Variants in CD163L1 observed in about 807,000 individuals in gnomAD.
CD163L1 encodes the protein CD163 molecule like 1, also known as scavenger receptor cysteine-rich type 1 protein M160.
Under a neutral mutation model 165.4 loss-of-function variants are expected in CD163L1, and 124 were observed. The observed-to-expected ratio is 0.75, with a 90% CI of 0.65 to 0.87. The LOEUF is 0.87. CD163L1 is among the 40% of genes least tolerant of loss of function. The pLI, the probability that CD163L1 is intolerant of heterozygous loss-of-function variation, is 0.00. For synonymous variants in CD163L1, 585 were observed against 662.2 expected (o/e 0.88, Z 1.79); for missense variants, 1,525 against 1,799.9 (o/e 0.85, Z 2.76).
In CD163L1 at chr12:7,369,764, T is replaced by TA. The variant is rs1947108147; in HGVS notation, c.3731-100dup. The TA allele has an allele frequency of 9.4e-7, 1 of 1,059,056 alleles. No homozygotes were observed. Among genetic ancestry groups the TA allele is most frequent in the Non-Finnish European group, 1.4e-6 (1 of 717,004 alleles). 65.6% of individuals were successfully genotyped at this position (1,059,056 alleles called of 1,614,324 possible). A position where few individuals can be genotyped will look rare whatever the true frequency, so the allele number is the denominator to read the frequency against. ...GAAAGTAGCAAATGTGCTTGATGAA[T>TA]ATGGGTGTGGTAAGGAAGGCAGAAT... is the stretch of plus-strand genomic sequence containing the variant. On this transcript the variant is annotated intron_variant, in intron 14 of 19. Transcript: ENST00000313599. This position sits in a 1 kb window ranked among gnomAD's most constrained non-coding sequence, Gnocchi z 4.9.
In CD163L1 at chr12:7,400,475, A is replaced by C. The variant is rs1454344450; in HGVS notation, c.1409-1891T>G. On this transcript the variant is annotated intron_variant, in intron 6 of 19. Transcript: ENST00000313599. This position sits in a 1 kb window ranked among gnomAD's most constrained non-coding sequence, Gnocchi z 4.1. Reference sequence around the variant, plus strand: ...TATAGGATAACTGGATAGTATAATGATATAATTTCTGCACAAATCAAACCA... The same window carrying C: ...TATAGGATAACTGGATAGTATAATGCTATAATTTCTGCACAAATCAAACCA... 6.6e-6 allele frequency among the ~76,000 whole-genome samples: 1 copy of C among 152,206 alleles called. No individual in the cohort carries two copies. The highest frequency in any genetic ancestry group is 1.5e-5 in the Non-Finnish European group (1 of 68,032).
Position 7,367,206 on chromosome 12 carries a change from ATGGAGTGCGGCCCC to A in CD163L1, c.4279+16_4279+29del. The A allele has an allele frequency of 7.2e-7, 1 of 1,398,114 alleles. No homozygotes were observed. Among genetic ancestry groups the A allele is most frequent in the Non-Finnish European group, 1.0e-6 (1 of 995,716 alleles). The allele number at this position is 1,398,114 out of a possible 1,614,324, so 86.6% of individuals were successfully genotyped here. On this transcript the variant is annotated intron_variant, in intron 18 of 19. Transcript: ENST00000313599. ...ATTTCCTCATATTCCCACCCTCTCC[ATGGAGTGCGGCCCC>A]TGGAGTTGCACAGACCTGAGGTTCT...
In CD163L1 at chr12:7,357,440, C is replaced by T. The variant is rs1565768033; in HGVS notation, c.4326G>A (p.Leu1442=). ...CTTCAGAGGCAGGAAGAACTCCCAA[C>T]AGCGATGTGTCGCTAGCATCTTCAC... ...HGCEDASDTS[L]LGVLPASEAT... is the part of the protein sequence containing the mutation. The change falls in exon 19 of 20, where the codon CTG becomes CTA. Residue 1442 remains leucine (L), a synonymous_variant. Transcript: ENST00000313599. 6.2e-7 allele frequency: 1 copy of T among 1,612,724 alleles called. No individual in the cohort carries two copies. The highest frequency in any genetic ancestry group is 1.7e-5 in the Admixed American group (1 of 59,852).
At chr12:7,408,257 G>C (rs1948069195) in intron 4 of CD163L1, among the ~76,000 whole-genome samples, 1 of 151,798 alleles carries the variant, frequency 6.6e-6, no homozygotes, top group Non-Finnish European at 1.5e-5. Flanking sequence ...AAAATTACTG[G>C]TTTTGTATGC....
At chr12:7,392,594 T>C (rs1025323277) in intron 8 of CD163L1, among the ~76,000 whole-genome samples, 1 of 151,746 alleles carries the variant, frequency 6.6e-6, no homozygotes, top group Admixed American at 6.6e-5. Context: ...CTGAAGGAGA[T>C]AGAGACACAA....
rs1947059180 is a variant in CD163L1 at position 7,368,087 on chromosome 12, C to G, written c.4183G>C (p.Val1395Leu). ...TATACAATCCTAGTGGGGCTCTCACCTCTGAGGGGCAGATGTTTTTGTTTC... is the reference window on the plus strand; with the variant it reads ...TATACAATCCTAGTGGGGCTCTCACGTCTGAGGGGCAGATGTTTTTGTTTC... ...VQKQKHLPLR[V>L]STRRRGSLEE... Residue 1395 changes from valine to leucine, a missense_variant and splice_region_variant, in exon 17 of 20, where the codon GTT becomes CTT. Transcript: ENST00000313599. The surrounding 1 kb of genome is among the most constrained non-coding windows in gnomAD (Gnocchi z 4.3). 6.3e-7 allele frequency: 1 copy of G among 1,576,516 alleles called. No homozygotes were observed. The highest frequency in any genetic ancestry group is 8.7e-7 in the Non-Finnish European group (1 of 1,145,938).
intron 8 of CD163L1, among the ~76,000 whole-genome samples, chr12:7,385,755 A>C (rs780165187): frequency 3.9e-5 from 6 of 152,180 alleles, no homozygotes; most frequent in African/African-American, 1.2e-4. Flanking sequence ...TTCCTGAATG[A>C]TCATTGAGTT....
intron 4 of CD163L1, among the ~76,000 whole-genome samples, chr12:7,421,064 T>TATAC (rs1435429769): frequency 1.1e-5 from 1 of 87,446 alleles, no homozygotes. Flanking sequence ...TACGTATATA[T>TATAC]GTATATATAC....
intron 8 of CD163L1, among the ~76,000 whole-genome samples, chr12:7,382,016 G>A (rs1947420474): frequency 6.8e-6 from 1 of 146,752 alleles, no homozygotes; most frequent in Admixed American, 6.8e-5. Context: ...TATATATAAT[G>A]GTTTTATATA....
rs749755256 is a variant in CD163L1, at chr12:7,373,581, C to T, written c.3469G>A (p.Glu1157Lys). The stretch of plus-strand genomic sequence containing the variant: ...CCCCAGGTCCCGTTATAGAAGACTT[C>T]CAATCTCCCAGCACAGCTCTCTGTT... ...TETESCAGRL[E>K]VFYNGTWGSV... Residue 1157 changes from glutamate to lysine, a missense_variant, in exon 14 of 20, where the codon GAA becomes AAA. Coordinates refer to ENST00000313599, the MANE Select transcript of CD163L1 (RefSeq NM_174941.6). 1 of 1,614,036 alleles carries T rather than the reference C, an allele frequency of 6.2e-7. No individual in the cohort carries two copies. The highest frequency in any genetic ancestry group is 1.7e-5 in the Admixed American group (1 of 60,024).
At chr12:7,319,584 C>T in the CD163L1 span, among the ~76,000 whole-genome samples, 20 of 144,928 alleles carry the variant, frequency 1.4e-4, no homozygotes, top group Middle Eastern at 3.6e-3. Context: ...AGCAAGACTC[C>T]GTCTCAAAAA....
intron 4 of CD163L1, among the ~76,000 whole-genome samples, chr12:7,428,414 T>C (rs1023993494): frequency 6.6e-6 from 1 of 152,096 alleles, no homozygotes; most frequent in Non-Finnish European, 1.5e-5. Context: ...ATGTAACACA[T>C]ACTTTTTTCT....
At chr12:7,397,730 A>C (rs942080176) in intron 7 of CD163L1, among the ~76,000 whole-genome samples, 3 of 152,200 alleles carry the variant, frequency 2.0e-5, no homozygotes, top group African/African-American at 7.2e-5. Flanking sequence ...AGGCTCCAAA[A>C]TGTGAGGTAC....
In CD163L1 at chr12:7,373,507, G is replaced by A. The variant is rs1300539253; in HGVS notation, c.3543C>T (p.Cys1181=). 6.2e-7 allele frequency: 1 copy of A among 1,614,198 alleles called. No homozygotes were observed. Among genetic ancestry groups the A allele is most frequent in the Non-Finnish European group, 8.5e-7 (1 of 1,180,018 alleles). The change falls in exon 14 of 20, where the codon TGC becomes TGT. Residue 1181 remains cysteine, a synonymous_variant. Transcript: ENST00000313599. ...CATTCTCCCCACAGCCCAGCTGCCTGCACACAATGCCTGCTATGGCTGTGG... is the reference window on the plus strand; with the variant it reads ...CATTCTCCCCACAGCCCAGCTGCCTACACACAATGCCTGCTATGGCTGTGG... ...NITTAIAGIV[C]RQLGCGENGV...
intron 14 of CD163L1, 147 bp downstream of exon 14, chr12:7,373,173 T>G: frequency 1.6e-6 from 1 of 618,694 alleles, no homozygotes; most frequent in South Asian, 2.8e-5. Flanking sequence ...AAAATTTCAA[T>G]ATAGAACAGA....
rs1946676700 is a variant in CD163L1 at position 7,347,334 on chromosome 12, T to G, written c.*25-187A>C. On this transcript the variant is annotated intron_variant, in intron 4 of 4. Transcript: ENST00000539726. The surrounding 1 kb of genome is among the most constrained non-coding windows in gnomAD (Gnocchi z 4.2). ...CTCTTCAAAGATCCTCTTGGGCTAA[T>G]GAATACCTGATGTATTTATTTAAAA... is the stretch of plus-strand genomic sequence containing the variant. Among the ~76,000 whole-genome samples the G allele has an allele frequency of 1.3e-5, 2 of 152,196 alleles. No individual in the cohort carries two copies. Among genetic ancestry groups the G allele is most frequent in the Admixed American group, 1.3e-4 (2 of 15,274 alleles).
intron 8 of CD163L1, among the ~76,000 whole-genome samples, chr12:7,379,999 T>C (rs1947351617): frequency 6.6e-6 from 1 of 151,948 alleles, no homozygotes; most frequent in Non-Finnish European, 1.5e-5. Flanking sequence ...AATAGAGTTT[T>C]CATGGATGCA....
At chr12:7,363,438 G>A (rs191877365) in intron 18 of CD163L1, among the ~76,000 whole-genome samples, 1 of 149,482 alleles carries the variant, frequency 6.7e-6, no homozygotes, top group Admixed American at 6.7e-5. Context: ...AATAATCAGA[G>A]AAATAAATTA....
At chr12:7,325,151 C>A in the CD163L1 span, among the ~76,000 whole-genome samples, 1 of 152,200 alleles carries the variant, frequency 6.6e-6, no homozygotes. Flanking sequence ...ACATGCTGAT[C>A]GGTCAGACTT....
Sources: gnomAD v4.1 joint callset for allele counts (sites outside exome capture counted in the v4.1 genomes callset) on GRCh38, gnomAD v4.1.1 for gene constraint, Gnocchi (gnomAD v3.1) non-coding constraint, MANE v1.5 for transcripts, NCBI Gene and HGNC (gene_info 2026-07-23, HGNC 2026-07-21) for gene names.